PTPRD: variants seen among roughly 807,000 people sequenced by gnomAD.
PTPRD encodes the protein receptor-type tyrosine-protein phosphatase delta.
Under a neutral mutation model 214.5 loss-of-function variants are expected in PTPRD, and 34 were observed. The observed-to-expected ratio is 0.16, with a 90% CI of 0.12 to 0.21. The LOEUF (loss-of-function observed/expected upper bound fraction) is 0.21, where lower values mean the gene tolerates loss of function less well. Among genes scored for constraint, PTPRD ranks in the 10% least tolerant of loss-of-function variants. PTPRD has a pLI of 1.00. For synonymous variants in PTPRD, 1,128 were observed against 845.7 expected (o/e 1.33, Z -5.79); for missense variants, 2,545 against 2,398.7 (o/e 1.06, Z -1.27).
intron 3 of PTPRD, among the ~76,000 whole-genome samples, chr9:10,169,756 T>A (rs2099188869): frequency 6.6e-6 from 1 of 151,968 alleles, no homozygotes. Flanking sequence ...TGTAGATGAG[T>A]GTTTAGGCAG....
Position 9,039,797 on chromosome 9 carries a change from T to C in PTPRD, c.-142-21062A>G, listed in dbSNP as rs185467733. 7.9e-5 allele frequency among the ~76,000 whole-genome samples: 12 copies of C among 152,322 alleles called. No homozygotes were observed. The East Asian group carries it at 2.3e-3, about 29-fold the overall frequency. ...AGCTTGCAGAACAGTAATAAGCCAA[T>C]ATATTGAAAGTTGTATCTTTTTAAG... On this transcript the variant is annotated intron_variant, in intron 10 of 45. Coordinates refer to ENST00000381196, the MANE Select transcript of PTPRD (RefSeq NM_002839.4).
chr9:9,590,192 C>T (rs2092572406), intron 7 of PTPRD, among the ~76,000 whole-genome samples: 1 of 151,968 alleles, frequency 6.6e-6, no homozygotes, highest in South Asian at 2.1e-4. Flanking sequence ...GATCATACAG[C>T]AAATACTGTT....
intron 3 of PTPRD, among the ~76,000 whole-genome samples, chr9:10,116,182 C>T (rs1402542149): frequency 1.3e-5 from 2 of 152,002 alleles, no homozygotes; most frequent in Non-Finnish European, 2.9e-5. Flanking sequence ...TTTGCAGTTG[C>T]ACATTGAAAT....
chr9:8,754,539 T>C (rs959788996), intron 11 of PTPRD, among the ~76,000 whole-genome samples: 1 of 152,196 alleles, frequency 6.6e-6, no homozygotes. Flanking sequence ...ATGGGTTAAA[T>C]GGGTATCTGC....
At chr9:10,549,715 C>T (rs1590670206) in intron 2 of PTPRD, among the ~76,000 whole-genome samples, 1 of 152,114 alleles carries the variant, frequency 6.6e-6, no homozygotes, top group Admixed American at 6.6e-5. Context: ...TAGGAAAAGC[C>T]ATGTGTACTT....
chr9:8,903,457 C>T (rs1046426354), intron 11 of PTPRD, among the ~76,000 whole-genome samples: 3 of 152,036 alleles, frequency 2.0e-5, no homozygotes, highest in African/African-American at 7.2e-5. Flanking sequence ...TTTATTTTTC[C>T]AGGTTGTATG....
At chr9:9,533,851 T>A (rs535925491) in intron 8 of PTPRD, among the ~76,000 whole-genome samples, 10 of 152,166 alleles carry the variant, frequency 6.6e-5, no homozygotes, top group Admixed American at 5.2e-4. Context: ...AAATTCAGAG[T>A]ATTTTTCTTA....
intron 5 of PTPRD, among the ~76,000 whole-genome samples, chr9:9,794,235 A>G (rs2098987238): frequency 1.3e-5 from 2 of 151,712 alleles, no homozygotes; most frequent in Admixed American, 1.3e-4. Flanking sequence ...ATATACATAT[A>G]TATATATGGT....
intron 2 of PTPRD, among the ~76,000 whole-genome samples, chr9:10,535,095 G>A (rs1199041514): frequency 6.6e-6 from 1 of 152,172 alleles, no homozygotes; most frequent in Non-Finnish European, 1.5e-5. Context: ...TCAGCAGCCT[G>A]AATGTCAGGA....
At chr9:9,957,119 G>T (rs1324433365) in intron 4 of PTPRD, among the ~76,000 whole-genome samples, 1 of 152,056 alleles carries the variant, frequency 6.6e-6, no homozygotes, top group African/African-American at 2.4e-5. Context: ...CATGCCCACT[G>T]TATTCATTTT....
At chr9:10,169,817 A>G (rs754411274) in intron 3 of PTPRD, among the ~76,000 whole-genome samples, 31 of 152,324 alleles carry the variant, frequency 2.0e-4, no homozygotes, top group Non-Finnish European at 3.1e-4. Context: ...ACCAAAAATT[A>G]GTAGACATGC....
chr9:10,532,940 C>T (rs1480361712), intron 2 of PTPRD, among the ~76,000 whole-genome samples: 2 of 151,882 alleles, frequency 1.3e-5, no homozygotes, highest in African/African-American at 4.8e-5. Context: ...TACATGATTC[C>T]CAGTGTGGCA....
intron 3 of PTPRD, among the ~76,000 whole-genome samples, chr9:10,044,492 A>C (rs1387650282): frequency 6.6e-6 from 1 of 151,814 alleles, no homozygotes; most frequent in African/African-American, 2.4e-5. Context: ...TGTTAAAATC[A>C]TTGCTATCTG....
chr9:9,632,900 G>C (rs954891559), intron 7 of PTPRD, among the ~76,000 whole-genome samples: 13 of 152,158 alleles, frequency 8.5e-5, no homozygotes, highest in Non-Finnish European at 1.5e-4. Context: ...TGAATGAAGA[G>C]AGAGATTTCA....
intron 3 of PTPRD, among the ~76,000 whole-genome samples, chr9:10,099,304 A>G (rs974396361): frequency 2.0e-5 from 3 of 151,618 alleles, no homozygotes; most frequent in African/African-American, 7.3e-5. Flanking sequence ...AGTTTTTTTC[A>G]CCTGTAAAAT....
At chr9:10,374,327 A>G (rs2097686992) in intron 2 of PTPRD, among the ~76,000 whole-genome samples, 1 of 152,060 alleles carries the variant, frequency 6.6e-6, no homozygotes, top group African/African-American at 2.4e-5. Context: ...GATTTAAGTG[A>G]TAGTGCATTA....
chr9:8,856,416 T>C (rs2097916560), intron 11 of PTPRD, among the ~76,000 whole-genome samples: 1 of 152,156 alleles, frequency 6.6e-6, no homozygotes, highest in Non-Finnish European at 1.5e-5. Flanking sequence ...AAGTCCACAT[T>C]TGTAGCTCAG....
At chr9:10,117,739 G>C (rs1591599710) in intron 3 of PTPRD, among the ~76,000 whole-genome samples, 1 of 151,434 alleles carries the variant, frequency 6.6e-6, no homozygotes, top group Admixed American at 6.6e-5. Context: ...CTGGGAGTTA[G>C]GATTGGACAT....
intron 39 of PTPRD, among the ~76,000 whole-genome samples, chr9:8,346,745 A>T (rs546241808): frequency 8.1e-4 from 123 of 152,264 alleles, no homozygotes; most frequent in African/African-American, 2.8e-3. Flanking sequence ...ATATGCCAAA[A>T]AGCAGCTGCA....
Sources: allele counts gnomAD v4.1 joint callset (sites outside exome capture counted in the v4.1 genomes callset), GRCh38; gene constraint gnomAD v4.1.1; transcripts MANE v1.5; gene names NCBI Gene and HGNC (gene_info 2026-07-23, HGNC 2026-07-21).